ZDHHC14: variants seen among roughly 807,000 people sequenced by gnomAD.
ZDHHC14 encodes zDHHC palmitoyltransferase 14, also known as palmitoyltransferase ZDHHC14.
ZDHHC14 carries 16 observed loss-of-function variants against 47.7 expected under a neutral mutation model. The observed-to-expected ratio is 0.34, with a 90% CI of 0.23 to 0.51. The LOEUF (loss-of-function observed/expected upper bound fraction) is 0.51, where lower values mean the gene tolerates loss of function less well. Ranked by LOEUF, ZDHHC14 falls within the 20% of genes least tolerant of loss-of-function variation. The pLI is 0.97. For missense variants in ZDHHC14, 515 were observed against 662.5 expected (o/e 0.78, Z 2.44); for synonymous variants, 293 against 278.9 (o/e 1.05, Z -0.50).
At chr6:157,662,275 G>A (rs181667089) in intron 8 of ZDHHC14, among the ~76,000 whole-genome samples, 218 of 152,180 alleles carry the variant, frequency 1.4e-3, no homozygotes, top group Non-Finnish European at 2.5e-3. Flanking sequence ...TTGACCTCCC[G>A]GGTTCAAGCG....
intron 1 of ZDHHC14, among the ~76,000 whole-genome samples, chr6:157,495,039 G>A (rs1780021664): frequency 6.6e-6 from 1 of 151,532 alleles, no homozygotes; most frequent in Admixed American, 6.6e-5. Flanking sequence ...TGGGACTACA[G>A]CCTCCCATGG....
intron 1 of ZDHHC14, among the ~76,000 whole-genome samples, chr6:157,523,894 CT>C (rs796412132): frequency 4.6e-5 from 7 of 152,290 alleles, no homozygotes; most frequent in African/African-American, 1.7e-4. Flanking sequence ...GCACAAGACC[CT>C]GTCTCCAACA....
At chr6:157,456,882 T>C (rs1327629615) in intron 1 of ZDHHC14, among the ~76,000 whole-genome samples, 1 of 152,044 alleles carries the variant, frequency 6.6e-6, no homozygotes, top group Non-Finnish European at 1.5e-5. Context: ...GCGTGGTGGC[T>C]CATGCCTGTA....
intron 1 of ZDHHC14, among the ~76,000 whole-genome samples, chr6:157,407,283 AGG>A (rs1777783383): frequency 6.6e-6 from 1 of 152,104 alleles, no homozygotes; most frequent in Non-Finnish European, 1.5e-5. Flanking sequence ...GCCCCTGGGA[AGG>A]GAGTGAGTGG....
chr6:157,469,278 C>G (rs968190112), intron 1 of ZDHHC14, among the ~76,000 whole-genome samples: 1 of 152,172 alleles, frequency 6.6e-6, no homozygotes, highest in Non-Finnish European at 1.5e-5. Context: ...GAGCCTGTGT[C>G]TGTAAAGGTG....
chr6:157,608,891 G>A (rs375814496), intron 3 of ZDHHC14, among the ~76,000 whole-genome samples: 3 of 152,288 alleles, frequency 2.0e-5, no homozygotes, highest in South Asian at 2.1e-4. Flanking sequence ...CAGGGCAGTG[G>A]CCAAGGAGAC....
intron 1 of ZDHHC14, among the ~76,000 whole-genome samples, chr6:157,430,703 A>G (rs1055084721): frequency 1.3e-5 from 2 of 152,228 alleles, no homozygotes; most frequent in African/African-American, 4.8e-5. Flanking sequence ...CCCCTTTGCC[A>G]TGTCACTTAA....
intron 1 of ZDHHC14, among the ~76,000 whole-genome samples, chr6:157,468,740 A>G (rs1779282347): frequency 6.6e-6 from 1 of 152,244 alleles, no homozygotes; most frequent in South Asian, 2.1e-4. Context: ...CACTTGCTTT[A>G]TAACAACAGC....
chr6:157,537,671 A>G (rs950006052), intron 1 of ZDHHC14, among the ~76,000 whole-genome samples: 1 of 152,168 alleles, frequency 6.6e-6, no homozygotes, highest in Non-Finnish European at 1.5e-5. Context: ...TGGTGTTTAT[A>G]TCTTTGGCAG....
intron 1 of ZDHHC14, among the ~76,000 whole-genome samples, chr6:157,507,166 A>C (rs192492697): frequency 4.6e-5 from 7 of 152,232 alleles, no homozygotes; most frequent in Admixed American, 2.0e-4. Context: ...CTATATCATA[A>C]ATTTTTATTA....
chr6:157,413,166 C>G (rs1209039038), intron 1 of ZDHHC14, among the ~76,000 whole-genome samples: 1 of 152,188 alleles, frequency 6.6e-6, no homozygotes, highest in African/African-American at 2.4e-5. Flanking sequence ...TAGACACGCA[C>G]TCCGTGTTTG....
chr6:157,655,241 C>T (rs918845817), intron 8 of ZDHHC14, among the ~76,000 whole-genome samples: 4 of 152,166 alleles, frequency 2.6e-5, no homozygotes, highest in Non-Finnish European at 4.4e-5. Flanking sequence ...TCATGGAGAT[C>T]AGCTGTGTTC....
At chr6:157,585,413 CAAAAA>C (rs111505965) in intron 2 of ZDHHC14, among the ~76,000 whole-genome samples, 2 of 98,834 alleles carry the variant, frequency 2.0e-5, no homozygotes, top group African/African-American at 6.9e-5. Context: ...ACCAAAAATA[CAAAAA>C]AAAAAAAAAA....
At chr6:157,452,687 G>A (rs1028151473) in intron 1 of ZDHHC14, among the ~76,000 whole-genome samples, 1 of 141,590 alleles carries the variant, frequency 7.1e-6, no homozygotes, top group Non-Finnish European at 1.5e-5. Flanking sequence ...CTAATACATG[G>A]GGATTTTTTT....
intron 1 of ZDHHC14, among the ~76,000 whole-genome samples, chr6:157,518,552 G>A (rs749084830): frequency 5.1e-4 from 78 of 152,278 alleles, no homozygotes; most frequent in Middle Eastern, 3.4e-3. Flanking sequence ...AGTTGTTAGT[G>A]TACTGGCCTC....
At chr6:157,650,603 G>A (rs892561454) in intron 7 of ZDHHC14, among the ~76,000 whole-genome samples, 16 of 151,522 alleles carry the variant, frequency 1.1e-4, no homozygotes, top group Non-Finnish European at 1.8e-4. Flanking sequence ...TCCGCTCCTG[G>A]ATAAAATCCC....
At chr6:157,592,309 G>A (rs1582988781) in intron 2 of ZDHHC14, among the ~76,000 whole-genome samples, 2 of 152,120 alleles carry the variant, frequency 1.3e-5, no homozygotes, top group African/African-American at 2.4e-5. Flanking sequence ...AGGTGCTATT[G>A]AGATGATAAA....
chr6:157,639,665 C>T (rs1777153302), intron 5 of ZDHHC14, among the ~76,000 whole-genome samples: 1 of 152,114 alleles, frequency 6.6e-6, no homozygotes, highest in African/African-American at 2.4e-5. Context: ...AGGAAAGGCC[C>T]CCACGGGGGA....
intron 1 of ZDHHC14, among the ~76,000 whole-genome samples, chr6:157,472,292 AACC>A (rs1305846066): frequency 6.6e-6 from 1 of 152,022 alleles, no homozygotes; most frequent in African/African-American, 2.4e-5. Context: ...GGGGCCTTGA[AACC>A]AACCCCCTTC....
Sources: allele counts gnomAD v4.1 joint callset (sites outside exome capture counted in the v4.1 genomes callset), GRCh38; gene constraint gnomAD v4.1.1; transcripts MANE v1.5; gene names NCBI Gene and HGNC (gene_info 2026-07-23, HGNC 2026-07-21).